MDGA2: variants seen among roughly 807,000 people sequenced by gnomAD.
The protein encoded by MDGA2 is MAM domain containing glycosylphosphatidylinositol anchor 2.
MDGA2 carries 40 observed loss-of-function variants against 117.8 expected under a neutral mutation model. The observed-to-expected ratio is 0.34, with a 90% CI of 0.26 to 0.44. MDGA2 has a LOEUF of 0.44. Among genes scored for constraint, MDGA2 ranks in the 20% least tolerant of loss-of-function variants. The pLI, the probability that MDGA2 is intolerant of heterozygous loss-of-function variation, is 1.00. For missense variants in MDGA2, 1,123 were observed against 1,250.6 expected (o/e 0.90, Z 1.54); for synonymous variants, 452 against 439.0 (o/e 1.03, Z -0.37).
In MDGA2 at chr14:47,133,107, TAAA is replaced by T. The variant is rs555657080; in HGVS notation, c.793-1264_793-1262del. 1.1e-4 allele frequency among the ~76,000 whole-genome samples: 15 copies of T among 135,780 alleles called. No individual in the cohort carries two copies. In the East Asian group the frequency reaches 1.9e-3, roughly 17 times the overall value. The allele number at this position is 135,780 out of a possible 152,430, so 89.1% of individuals were successfully genotyped here. A position where few individuals can be genotyped will look rare whatever the true frequency, so the allele number is the denominator to read the frequency against. ...ACCCCTTTAGCATTTTCCTCAGTGG[TAAA>T]AAAAAAAAAAACAAACAAACAAAAA... On this transcript the variant is annotated intron_variant, in intron 4 of 16. Transcript: ENST00000399232.
At chr14:47,204,449 T>TTAA (rs1420758138) in intron 3 of MDGA2, among the ~76,000 whole-genome samples, 1 of 152,034 alleles carries the variant, frequency 6.6e-6, no homozygotes, top group Non-Finnish European at 1.5e-5. Context: ...TGTCAAAAGG[T>TTAA]TAATGCACTT....
chr14:46,900,371 G>T (rs966981577), intron 10 of MDGA2, among the ~76,000 whole-genome samples: 1 of 152,144 alleles, frequency 6.6e-6, no homozygotes, highest in Non-Finnish European at 1.5e-5. Flanking sequence ...TTATCCCAGA[G>T]AAACAAGTAT....
chr14:47,507,783 T>C (rs952881562), intron 1 of MDGA2, among the ~76,000 whole-genome samples: 1 of 152,216 alleles, frequency 6.6e-6, no homozygotes, highest in Non-Finnish European at 1.5e-5. Flanking sequence ...ATTTTGTTTC[T>C]GCTGAGATTA....
intron 1 of MDGA2, among the ~76,000 whole-genome samples, chr14:47,545,825 G>C (rs541402366): frequency 5.8e-4 from 89 of 152,266 alleles, no homozygotes; most frequent in Admixed American, 1.2e-3. Flanking sequence ...GGGCGTGAAA[G>C]CAATGCCCTT....
chr14:47,118,683 T>G (rs1881459121), intron 5 of MDGA2, among the ~76,000 whole-genome samples: 1 of 152,192 alleles, frequency 6.6e-6, no homozygotes, highest in African/African-American at 2.4e-5. Flanking sequence ...TATTTAACTC[T>G]CCAATGACTT....
intron 1 of MDGA2, among the ~76,000 whole-genome samples, chr14:47,501,532 A>C (rs1297093426): frequency 1.3e-5 from 2 of 152,186 alleles, no homozygotes; most frequent in African/African-American, 2.4e-5. Flanking sequence ...TTTGAGTCCT[A>C]ACTCTCAATA....
At chr14:47,205,910 A>G (rs939764030) in intron 3 of MDGA2, among the ~76,000 whole-genome samples, 3 of 152,044 alleles carry the variant, frequency 2.0e-5, no homozygotes, top group Admixed American at 1.3e-4. Context: ...TCTGCGACAC[A>G]GAAGTCATTT....
intron 2 of MDGA2, among the ~76,000 whole-genome samples, chr14:47,221,724 G>A (rs1886310599): frequency 6.7e-6 from 1 of 148,916 alleles, no homozygotes; most frequent in African/African-American, 2.5e-5. Context: ...GAAGTGAGTG[G>A]AAAAAATAGA....
At chr14:47,382,818 C>T (rs556753005) in intron 1 of MDGA2, among the ~76,000 whole-genome samples, 2 of 152,168 alleles carry the variant, frequency 1.3e-5, no homozygotes, top group Admixed American at 1.3e-4. Flanking sequence ...GATCTAGAAC[C>T]AGAAAAACCA....
chr14:46,920,441 G>A (rs1476981224), intron 9 of MDGA2, among the ~76,000 whole-genome samples: 1 of 152,146 alleles, frequency 6.6e-6, no homozygotes, highest in East Asian at 1.9e-4. Flanking sequence ...ATGAAATCTG[G>A]AGAAAGAAGA....
At chr14:46,865,214 C>G (rs967503263) in intron 14 of MDGA2, among the ~76,000 whole-genome samples, 5 of 151,936 alleles carry the variant, frequency 3.3e-5, no homozygotes, top group African/African-American at 1.2e-4. Context: ...TATTTAAGTT[C>G]CTAGTTTAAA....
chr14:47,562,662 A>C (rs1895839123), intron 1 of MDGA2, among the ~76,000 whole-genome samples: 1 of 151,732 alleles, frequency 6.6e-6, no homozygotes, highest in African/African-American at 2.4e-5. Flanking sequence ...GTTTATCTTA[A>C]TTTTCTCAAA....
intron 1 of MDGA2, among the ~76,000 whole-genome samples, chr14:47,658,481 C>T (rs1031713282): frequency 1.6e-4 from 24 of 152,116 alleles, no homozygotes; most frequent in African/African-American, 4.6e-4. Context: ...GTATCAGACA[C>T]GGTTCTGAGA....
chr14:47,595,987 G>A (rs941232077), intron 1 of MDGA2, among the ~76,000 whole-genome samples: 1 of 152,134 alleles, frequency 6.6e-6, no homozygotes, highest in African/African-American at 2.4e-5. Context: ...TAAAATCATA[G>A]AACACAGAAA....
Position 47,097,138 on chromosome 14 carries a change from C to T in MDGA2, c.926-15G>A. The T allele has an allele frequency of 6.2e-7, 1 of 1,608,112 alleles. No homozygotes were observed. The highest frequency in any genetic ancestry group is 1.1e-5 in the South Asian group (1 of 90,934). Reference sequence around the variant, plus strand: ...TGACGGTGATGCTAAAAGACATAAACAGAAGAACGTGCACCTATTTAGATA... The same window carrying T: ...TGACGGTGATGCTAAAAGACATAAATAGAAGAACGTGCACCTATTTAGATA... On this transcript the variant is annotated splice_polypyrimidine_tract_variant and intron_variant, in intron 5 of 16. Transcript: ENST00000399232.
chr14:47,161,450 C>T (rs186899716), intron 3 of MDGA2, among the ~76,000 whole-genome samples: 3 of 151,828 alleles, frequency 2.0e-5, no homozygotes, highest in Admixed American at 1.3e-4. Flanking sequence ...TTACTTATTT[C>T]TATTATGGTT....
chr14:47,547,407 G>A (rs1206706630), intron 1 of MDGA2, among the ~76,000 whole-genome samples: 1 of 152,056 alleles, frequency 6.6e-6, no homozygotes, highest in Non-Finnish European at 1.5e-5. Context: ...AAAACTGAAG[G>A]GGAGATCCTA....
intron 5 of MDGA2, among the ~76,000 whole-genome samples, chr14:47,124,477 C>T (rs147343184): frequency 6.6e-6 from 1 of 152,212 alleles, no homozygotes; most frequent in East Asian, 1.9e-4. Context: ...TTTAACATAT[C>T]TGACTCATTT....
intron 1 of MDGA2, among the ~76,000 whole-genome samples, chr14:47,325,350 A>T (rs535914921): frequency 2.0e-5 from 3 of 152,172 alleles, no homozygotes; most frequent in African/African-American, 7.2e-5. Context: ...GAGACACCAT[A>T]GGCATGTAGA....
Sources: gnomAD v4.1 joint callset for allele counts (sites outside exome capture counted in the v4.1 genomes callset) on GRCh38, gnomAD v4.1.1 for gene constraint, MANE v1.5 for transcripts, NCBI Gene and HGNC (gene_info 2026-07-23, HGNC 2026-07-21) for gene names.